Variants in TRHDE observed in about 807,000 individuals in gnomAD.
The protein encoded by TRHDE is thyrotropin releasing hormone degrading enzyme, also known as thyrotropin-releasing hormone-degrading ectoenzyme.
TRHDE carries 72 observed loss-of-function variants against 125.7 expected under a neutral mutation model. The observed-to-expected ratio is 0.57, with a 90% confidence interval of 0.47 to 0.70. The LOEUF is 0.70. TRHDE is among the 30% of genes least tolerant of loss of function. The pLI, the probability that TRHDE is intolerant of heterozygous loss-of-function variation, is 0.00. For missense variants in TRHDE, 1,110 were observed against 1,327.1 expected (o/e 0.84, Z 2.54); for synonymous variants, 509 against 509.1 (o/e 1.00, Z 0.00).
intron 2 of TRHDE, among the ~76,000 whole-genome samples, chr12:72,304,067 G>A (rs928250387): frequency 4.6e-5 from 7 of 152,128 alleles, no homozygotes; most frequent in Non-Finnish European, 8.8e-5. Context: ...TTGTCACATA[G>A]CTCGTGGATG....
chr12:72,538,930 T>C (rs1869002670), intron 6 of TRHDE, among the ~76,000 whole-genome samples: 2 of 151,938 alleles, frequency 1.3e-5, no homozygotes, highest in Non-Finnish European at 2.9e-5. Context: ...CTAAAAACTG[T>C]CTCAATCTTA....
rs1211108472 is a variant in TRHDE, at chr12:72,562,982, C to G, written c.1984C>G (p.Gln662Glu). The G allele has an allele frequency of 6.2e-7, 1 of 1,610,032 alleles. No individual in the cohort carries two copies. Among genetic ancestry groups the G allele is most frequent in the South Asian group, 1.1e-5 (1 of 90,452 alleles). ...AGAAAATAGAATAATAATTACCCAA[C>G]AGCATTTTATCTATGATATCAGTGC... ...TAENRIIITQ[Q>E]HFIYDISAKT... Residue 662 changes from glutamine to glutamate, a missense_variant, in exon 9 of 19, where the codon CAG (glutamine) becomes GAG (glutamate). Around this residue, in one of 5 missense-constraint regions of TRHDE, gnomAD observed 527 missense variants for 651.8 expected, o/e 0.81. Coordinates refer to ENST00000261180, the MANE Select transcript of TRHDE (RefSeq NM_013381.3).
intron 13 of TRHDE, among the ~76,000 whole-genome samples, chr12:72,620,550 G>A (rs937662766): frequency 1.3e-5 from 2 of 151,500 alleles, no homozygotes; most frequent in African/African-American, 4.9e-5. Context: ...GTGAGGGAGA[G>A]CATGCCTTAC....
At chr12:72,400,712 A>C (rs1349131508) in intron 3 of TRHDE, among the ~76,000 whole-genome samples, 1 of 152,124 alleles carries the variant, frequency 6.6e-6, no homozygotes, top group African/African-American at 2.4e-5. Flanking sequence ...TAAACCACAT[A>C]TTTTATTTTA....
intron 12 of TRHDE, among the ~76,000 whole-genome samples, chr12:72,579,042 C>A (rs1339130068): frequency 1.4e-5 from 2 of 141,598 alleles, no homozygotes; most frequent in Non-Finnish European, 3.0e-5. Flanking sequence ...AAAAATAAAT[C>A]TGGGGATCTT....
At chr12:72,243,972 G>A (rs1420058138) in intron 2 of TRHDE, among the ~76,000 whole-genome samples, 1 of 152,176 alleles carries the variant, frequency 6.6e-6, no homozygotes, top group African/African-American at 2.4e-5. Context: ...CAGACCAGGT[G>A]TGTAGGGTAT....
intron 2 of TRHDE, among the ~76,000 whole-genome samples, chr12:72,213,073 A>ATTTG (rs1168931632): frequency 8.4e-4 from 128 of 152,290 alleles, no homozygotes; most frequent in African/African-American, 2.9e-3. Flanking sequence ...ATGAAAGAAG[A>ATTTG]TAGTCACAAA....
At chr12:72,107,391 T>C (rs573772896) in intron 2 of TRHDE, among the ~76,000 whole-genome samples, 2 of 152,198 alleles carry the variant, frequency 1.3e-5, no homozygotes, top group African/African-American at 4.8e-5. Flanking sequence ...CTACCCAACG[T>C]TGAGGAGCAA....
chr12:72,335,441 T>C (rs971130823), intron 2 of TRHDE, among the ~76,000 whole-genome samples: 1 of 152,146 alleles, frequency 6.6e-6, no homozygotes, highest in African/African-American at 2.4e-5. Context: ...GCCAGAAAGA[T>C]AAAGTAGACA....
upstream of TRHDE, among the ~76,000 whole-genome samples, chr12:72,267,663 T>A (rs1879098743): frequency 6.6e-6 from 1 of 151,736 alleles, no homozygotes; most frequent in African/African-American, 2.4e-5. Flanking sequence ...ATATGTGTAA[T>A]AAAAAGTAAA....
At chr12:72,575,647 A>T (rs1246923108) in intron 12 of TRHDE, 105 bp downstream of exon 12, 1 of 1,054,004 alleles carries the variant, frequency 9.5e-7, no homozygotes, top group East Asian at 2.5e-5. Flanking sequence ...ATTTAAAAAA[A>T]TCTATTTCTA....
intron 17 of TRHDE, among the ~76,000 whole-genome samples, chr12:72,655,126 G>A (rs1472233792): frequency 5.3e-5 from 8 of 152,194 alleles, no homozygotes; most frequent in Non-Finnish European, 1.0e-4. Context: ...AGGCTGGAGC[G>A]CAGTGGCACA....
intron 2 of TRHDE, among the ~76,000 whole-genome samples, chr12:72,368,247 A>G (rs1259683821): frequency 1.3e-5 from 2 of 152,166 alleles, no homozygotes; most frequent in Non-Finnish European, 2.9e-5. Context: ...GTAGTTTATG[A>G]TGATAAACTT....
intron 2 of TRHDE, among the ~76,000 whole-genome samples, chr12:72,320,720 G>A (rs189495765): frequency 2.0e-5 from 3 of 152,212 alleles, no homozygotes; most frequent in Admixed American, 2.0e-4. Context: ...TAAAATATGG[G>A]TCAGCCGTTT....
At position 72,238,315 on chromosome 12, in the gene TRHDE, TATATATAC is replaced by T. The variant is rs1211801343; in HGVS notation, n.279+132571_279+132578del. On this transcript the variant is annotated intron_variant and non_coding_transcript_variant, in intron 2 of 4. Transcript: ENST00000548156. ...ATATATATATATATATATATATATATATATATACATATATATATACACATTATATATAT... is the reference window on the plus strand; with the variant it reads ...ATATATATATATATATATATATATATATATATATATACACATTATATATAT... 6.5e-3 allele frequency among the ~76,000 whole-genome samples: 208 copies of T among 32,010 alleles called. 24 individuals are homozygous for T. Among genetic ancestry groups the T allele is most frequent in the Non-Finnish European group, 8.5e-3 (134 of 15,698 alleles). The allele number at this position is 32,010 out of a possible 152,430, so 21.0% of individuals were successfully genotyped here. A position where few individuals can be genotyped will look rare whatever the true frequency, so the allele number is the denominator to read the frequency against.
intron 1 of TRHDE, among the ~76,000 whole-genome samples, chr12:72,095,133 A>C (rs1874882688): frequency 6.6e-6 from 1 of 152,160 alleles, no homozygotes; most frequent in African/African-American, 2.4e-5. Flanking sequence ...ATTATTTTCC[A>C]TTGGAAAAGC....
intron 1 of TRHDE, among the ~76,000 whole-genome samples, chr12:72,102,714 A>T: frequency 6.6e-6 from 1 of 152,192 alleles, no homozygotes; most frequent in East Asian, 1.9e-4. Flanking sequence ...CTAACCTATA[A>T]CTGTTAAAAT....
chr12:72,289,707 G>T (rs117366160), intron 2 of TRHDE, among the ~76,000 whole-genome samples: 2 of 152,272 alleles, frequency 1.3e-5, no homozygotes, highest in East Asian at 1.9e-4. Flanking sequence ...AAGCAGAAAA[G>T]GTTCCTGCTC....
chr12:72,425,961 A>C (rs1414634156), intron 3 of TRHDE, among the ~76,000 whole-genome samples: 2 of 152,100 alleles, frequency 1.3e-5, no homozygotes, highest in African/African-American at 4.8e-5. Context: ...GTCAAAAAAA[A>C]GCAAGACATC....
Sources: gnomAD v4.1 joint callset for allele counts (sites outside exome capture counted in the v4.1 genomes callset) on GRCh38, gnomAD v4.1.1 for gene constraint, gnomAD v4.1.1 regional missense constraint, MANE v1.5 for transcripts, NCBI Gene and HGNC (gene_info 2026-07-23, HGNC 2026-07-21) for gene names.